Variants in IL1RAPL2 observed in about 807,000 individuals in gnomAD.
The protein encoded by IL1RAPL2 is interleukin 1 receptor accessory protein like 2.
A neutral mutation model predicts 44.1 loss-of-function variants in IL1RAPL2; 3 were observed. The observed-to-expected ratio is 0.07, with a 90% CI of 0.03 to 0.18. The LOEUF (loss-of-function observed/expected upper bound fraction) is 0.18. Ranked by LOEUF, IL1RAPL2 falls within the 10% of genes least tolerant of loss-of-function variation. The pLI is 1.00. For missense variants in IL1RAPL2, 391 were observed against 496.4 expected, an observed-to-expected ratio of 0.79 and a Z score of 2.02; for synonymous variants, 181 against 178.8, an observed-to-expected ratio of 1.01 and a Z score of -0.10.
rs189950972 is a variant in IL1RAPL2, at chrX:105,294,151, T to C, written c.697+26610T>C. Among the ~76,000 whole-genome samples, 95 of 112,107 alleles carry C rather than the reference T, an allele frequency of 8.5e-4. 1 individual carries two copies. The highest frequency in any genetic ancestry group is 6.7e-3 in the East Asian group (24 of 3,586). On this transcript the variant is annotated intron_variant, in intron 5 of 10. Transcript: ENST00000372582. Reference sequence around the variant, plus strand: ...CAGTTTCCATTTACTAGAGCTCTGCTTTTTTTGGAGCTGAGGCAAGGGGAA... The same window carrying C: ...CAGTTTCCATTTACTAGAGCTCTGCCTTTTTTGGAGCTGAGGCAAGGGGAA...
chrX:104,680,297 C>T (rs891173061), intron 2 of IL1RAPL2, among the ~76,000 whole-genome samples: 2 of 111,774 alleles, frequency 1.8e-5, no homozygotes, highest in Non-Finnish European at 3.8e-5. Flanking sequence ...AATTTGGAAT[C>T]CCTGGACAAG....
At chrX:105,613,333 T>G (rs1045222981) in intron 6 of IL1RAPL2, among the ~76,000 whole-genome samples, 3 of 112,341 alleles carry the variant, frequency 2.7e-5, no homozygotes, top group African/African-American at 6.5e-5. Flanking sequence ...GATATCCAGT[T>G]AGTATGCCAT....
intron 3 of IL1RAPL2, among the ~76,000 whole-genome samples, chrX:105,202,686 T>C (rs113372765): frequency 4.5e-5 from 5 of 112,010 alleles, no homozygotes; most frequent in African/African-American, 1.6e-4. Flanking sequence ...TCTAGCATAG[T>C]TCCAATTCAG....
At chrX:104,677,291 C>T (rs1387401302) in intron 2 of IL1RAPL2, among the ~76,000 whole-genome samples, 1 of 110,542 alleles carries the variant, frequency 9.0e-6, no homozygotes, top group Non-Finnish European at 1.9e-5. Flanking sequence ...GATGTCCTTT[C>T]TGTTTGTTAG....
At chrX:104,656,171 T>G (rs1426494452) in intron 1 of IL1RAPL2, among the ~76,000 whole-genome samples, 1 of 111,482 alleles carries the variant, frequency 9.0e-6, no homozygotes, top group African/African-American at 3.3e-5. Context: ...TGTCTCTATC[T>G]CCTTTAGTTC....
At chrX:104,708,851 G>C (rs1237997190) in intron 2 of IL1RAPL2, among the ~76,000 whole-genome samples, 4 of 110,711 alleles carry the variant, frequency 3.6e-5, no homozygotes, top group Non-Finnish European at 5.7e-5. Context: ...GTTTCTCTCT[G>C]GCTTCTAGAA....
intron 2 of IL1RAPL2, among the ~76,000 whole-genome samples, chrX:104,853,579 A>G (rs1402020534): frequency 9.0e-6 from 1 of 110,946 alleles, no homozygotes; most frequent in Non-Finnish European, 1.9e-5. Flanking sequence ...GGGAGCAATG[A>G]AGAGCATGAC....
intron 5 of IL1RAPL2, among the ~76,000 whole-genome samples, chrX:105,361,718 A>T (rs994957440): frequency 9.0e-6 from 1 of 111,659 alleles, no homozygotes; most frequent in African/African-American, 3.2e-5. Context: ...AAGGGAAGAC[A>T]TGAGGATGGG....
chrX:104,695,967 C>A (rs1204757858), intron 2 of IL1RAPL2, among the ~76,000 whole-genome samples: 2 of 110,823 alleles, frequency 1.8e-5, no homozygotes, highest in Admixed American at 1.9e-4. Context: ...GCCACCACAC[C>A]CGGCTAATTT....
chrX:105,334,168 T>G (rs2035010286), intron 5 of IL1RAPL2, among the ~76,000 whole-genome samples: 1 of 112,160 alleles, frequency 8.9e-6, no homozygotes, highest in Non-Finnish European at 1.9e-5. Context: ...ATATACAAAA[T>G]GGAGTACAAT....
intron 2 of IL1RAPL2, among the ~76,000 whole-genome samples, chrX:104,932,933 T>C (rs1334261016): frequency 9.0e-6 from 1 of 111,729 alleles, no homozygotes; most frequent in Non-Finnish European, 1.9e-5. Context: ...GGGATTTGGC[T>C]GGTAGCACCT....
intron 2 of IL1RAPL2, among the ~76,000 whole-genome samples, chrX:104,796,028 C>T (rs372825841): frequency 8.9e-6 from 1 of 112,189 alleles, no homozygotes; most frequent in East Asian, 2.8e-4. Context: ...GATCTCACTT[C>T]CATGAGAACA....
intron 7 of IL1RAPL2, among the ~76,000 whole-genome samples, chrX:105,731,463 A>G (rs189817971): frequency 1.3e-4 from 14 of 111,100 alleles, no homozygotes; most frequent in African/African-American, 4.6e-4. Flanking sequence ...ACTACTGGGT[A>G]TTTATCTAAA....
intron 2 of IL1RAPL2, among the ~76,000 whole-genome samples, chrX:105,075,927 C>G (rs995567533): frequency 9.0e-6 from 1 of 111,564 alleles, no homozygotes; most frequent in African/African-American, 3.3e-5. Context: ...TTTGATTCTT[C>G]TCTCTTTTCT....
At position 105,432,514 on chromosome X, in the gene IL1RAPL2, G is replaced by A. The variant is rs975708224; in HGVS notation, c.698-51799G>A. ...TGGAAATACAGATAGGAAAAATGTG[G>A]CTGGTTCTCTCAGTGTTTGATCTAG... On this transcript the variant is annotated intron_variant, in intron 5 of 10. Coordinates refer to ENST00000372582, the MANE Select transcript of IL1RAPL2 (RefSeq NM_017416.2). Among the ~76,000 whole-genome samples the A allele has an allele frequency of 2.3e-4, 25 of 110,546 alleles. 1 individual carries two copies. The highest frequency in any genetic ancestry group is 7.6e-4 in the African/African-American group (23 of 30,428).
rs192147472 is a variant in IL1RAPL2 at position 104,739,155 on chromosome X, G to A, written c.82+80160G>A. ...AGACCTCTGTGAAGCATGTCTTTGG[G>A]AAGCAGACCTTTTGGTTTGTTGATT... On this transcript the variant is annotated intron_variant, in intron 2 of 10. Coordinates refer to ENST00000372582, the MANE Select transcript of IL1RAPL2 (RefSeq NM_017416.2). Among the ~76,000 whole-genome samples the A allele has an allele frequency of 2.7e-5, 3 of 111,794 alleles. No homozygotes were observed. The Admixed American group carries it at 2.8e-4, about 11-fold the overall frequency.
chrX:104,606,121 C>T (rs1404794813), intron 1 of IL1RAPL2, among the ~76,000 whole-genome samples: 1 of 112,205 alleles, frequency 8.9e-6, no homozygotes, highest in Non-Finnish European at 1.9e-5. Flanking sequence ...GCTTATCCAA[C>T]ATGTTCAAGT....
At chrX:104,608,511 G>A (rs776181713) in intron 1 of IL1RAPL2, among the ~76,000 whole-genome samples, 3 of 110,267 alleles carry the variant, frequency 2.7e-5, no homozygotes, top group African/African-American at 9.9e-5. Context: ...TATGAATCTG[G>A]GTGCTCCTGT....
At chrX:104,762,924 A>G (rs989862601) in intron 2 of IL1RAPL2, among the ~76,000 whole-genome samples, 3 of 112,115 alleles carry the variant, frequency 2.7e-5, no homozygotes, top group Admixed American at 9.4e-5. Context: ...AGCTGCCATG[A>G]AGACCTCTAA....
Sources: gnomAD v4.1 joint callset for allele counts (sites outside exome capture counted in the v4.1 genomes callset) on GRCh38, gnomAD v4.1.1 for gene constraint, MANE v1.5 for transcripts, NCBI Gene and HGNC (gene_info 2026-07-23, HGNC 2026-07-21) for gene names.